Variants in CSNK1G1 observed in about 807,000 individuals in gnomAD.
CSNK1G1 encodes the protein casein kinase I isoform gamma-1.
A neutral mutation model predicts 59.6 loss-of-function variants in CSNK1G1; 22 were observed. That is an observed-to-expected ratio of 0.37 (90% CI 0.26 to 0.53). The LOEUF (loss-of-function observed/expected upper bound fraction) is 0.53. Among genes scored for constraint, CSNK1G1 ranks in the 20% least tolerant of loss-of-function variants. The probability of loss-of-function intolerance (pLI) is 0.89; values close to 1 mark genes in which losing one functional copy is unlikely to be tolerated. For missense variants in CSNK1G1, 384 were observed against 519.5 expected, an observed-to-expected ratio of 0.74 and a Z score of 2.54; for synonymous variants, 179 against 177.1, an observed-to-expected ratio of 1.01 and a Z score of -0.08.
intron 1 of CSNK1G1, among the ~76,000 whole-genome samples, chr15:64,310,294 A>G (rs1382318168): frequency 1.3e-5 from 2 of 152,128 alleles, no homozygotes; most frequent in Non-Finnish European, 1.5e-5. Context: ...CTGCAATTTT[A>G]TTCTCAGCCT....
intron 1 of CSNK1G1, among the ~76,000 whole-genome samples, chr15:64,308,804 G>A (rs759488551): frequency 3.9e-5 from 6 of 151,964 alleles, no homozygotes; most frequent in Non-Finnish European, 7.4e-5. Context: ...AGCTGAGGCA[G>A]GAAAATGGCG....
chr15:64,180,545 T>A, intron 10 of CSNK1G1, 91 bp from the exon 11 acceptor site: 1 of 986,032 alleles, frequency 1.0e-6, no homozygotes, highest in Non-Finnish European at 1.6e-6. Context: ...AGGCAGTGTC[T>A]GGAATGTTTG....
chr15:64,320,236 C>CA (rs996367013), intron 1 of CSNK1G1, among the ~76,000 whole-genome samples: 3 of 151,470 alleles, frequency 2.0e-5, no homozygotes, highest in African/African-American at 7.3e-5. Flanking sequence ...AGGCACACGT[C>CA]AAAAAAACAA....
intron 1 of CSNK1G1, among the ~76,000 whole-genome samples, chr15:64,338,164 C>T (rs1326485875): frequency 2.0e-5 from 3 of 152,126 alleles, no homozygotes; most frequent in Non-Finnish European, 4.4e-5. Context: ...TGTAACCTTT[C>T]GAGAAACTGC....
chr15:64,191,080 G>A (rs2081964148), intron 10 of CSNK1G1, among the ~76,000 whole-genome samples: 1 of 152,060 alleles, frequency 6.6e-6, no homozygotes, highest in Admixed American at 6.6e-5. Context: ...TTGTGTTTTT[G>A]AGATGGAGTC....
chr15:64,245,537 AG>A (rs1370842849), intron 4 of CSNK1G1, among the ~76,000 whole-genome samples: 1 of 152,210 alleles, frequency 6.6e-6, no homozygotes, highest in Non-Finnish European at 1.5e-5. Context: ...ATAATAGCAA[AG>A]ATATGCAATT....
intron 1 of CSNK1G1, among the ~76,000 whole-genome samples, chr15:64,353,013 TAGC>T (rs1192832324): frequency 2.0e-5 from 3 of 151,916 alleles, no homozygotes; most frequent in Admixed American, 6.6e-5. Flanking sequence ...TGCTTGAACT[TAGC>T]AGGCGGAGAT....
At chr15:64,355,048 T>C (rs1445096319) in intron 1 of CSNK1G1, among the ~76,000 whole-genome samples, 1 of 152,216 alleles carries the variant, frequency 6.6e-6, no homozygotes, top group African/African-American at 2.4e-5. Context: ...AGAGGATCTT[T>C]CTACTTCATT....
At chr15:64,284,019 GT>G (rs1376025024) in intron 2 of CSNK1G1, among the ~76,000 whole-genome samples, 1 of 151,788 alleles carries the variant, frequency 6.6e-6, no homozygotes, top group Non-Finnish European at 1.5e-5. Context: ...TTTATTTGTG[GT>G]ATGAGGTAAG....
chr15:64,308,530 A>C (rs956386888), intron 1 of CSNK1G1, among the ~76,000 whole-genome samples: 1 of 152,146 alleles, frequency 6.6e-6, no homozygotes, highest in Non-Finnish European at 1.5e-5. Flanking sequence ...TACTCATTCT[A>C]TGATTTCATC....
intron 2 of CSNK1G1, among the ~76,000 whole-genome samples, chr15:64,269,237 AAC>A (rs1893148646): frequency 6.6e-6 from 1 of 152,166 alleles, no homozygotes; most frequent in Non-Finnish European, 1.5e-5. Flanking sequence ...AACTTTTTGA[AAC>A]AGTTTCAGTA....
In CSNK1G1 at chr15:64,218,860, T is replaced by G. The variant is rs1043511000; in HGVS notation, c.293-2147A>C. ...AGGATTTAATTTGAAGTGTTTTTTT[T>G]TTTTTTTTTTTTTACATGGAGTTTC... On this transcript the variant is annotated intron_variant, in intron 4 of 11. Coordinates refer to ENST00000303052, the MANE Select transcript of CSNK1G1 (RefSeq NM_022048.5). Among the ~76,000 whole-genome samples, 98 of 150,774 alleles carry G rather than the reference T, an allele frequency of 6.5e-4. 1 individual carries two copies. The highest frequency in any genetic ancestry group is 1.3e-3 in the Non-Finnish European group (91 of 67,660).
At chr15:64,278,064 G>T (rs1403979514) in intron 2 of CSNK1G1, among the ~76,000 whole-genome samples, 1 of 148,200 alleles carries the variant, frequency 6.7e-6, no homozygotes, top group Non-Finnish European at 1.5e-5. Flanking sequence ...TATATTTTTT[G>T]AGATGGAGTC....
chr15:64,246,278 C>G (rs1237453173), intron 4 of CSNK1G1, among the ~76,000 whole-genome samples: 1 of 152,138 alleles, frequency 6.6e-6, no homozygotes, highest in Non-Finnish European at 1.5e-5. Flanking sequence ...CTGGCTTTCT[C>G]TGCCCAATGA....
At chr15:64,184,550 G>A (rs910718596) in intron 10 of CSNK1G1, among the ~76,000 whole-genome samples, 5 of 150,912 alleles carry the variant, frequency 3.3e-5, no homozygotes, top group South Asian at 2.1e-4. Context: ...GGTGGCGGGC[G>A]CCTGTAATCC....
At chr15:64,289,479 A>G (rs1290744404) in intron 2 of CSNK1G1, among the ~76,000 whole-genome samples, 1 of 152,208 alleles carries the variant, frequency 6.6e-6, no homozygotes, top group Non-Finnish European at 1.5e-5. Context: ...GTGTAATTCC[A>G]AAAGAAATTT....
intron 1 of CSNK1G1, among the ~76,000 whole-genome samples, chr15:64,345,039 CCAAA>C (rs1566955511): frequency 3.9e-5 from 6 of 152,110 alleles, no homozygotes; most frequent in African/African-American, 1.4e-4. Flanking sequence ...ACAAAACTCA[CCAAA>C]CAGAGTTATT....
chr15:64,316,202 AAAACAAACAAACAAACAAAC>A (rs60125774), intron 1 of CSNK1G1, among the ~76,000 whole-genome samples: 8 of 149,774 alleles, frequency 5.3e-5, no homozygotes, highest in Non-Finnish European at 1.0e-4. Context: ...TTTGCTTTTT[AAAACAAACAAACAAACAAAC>A]AAACAAACAA....
intron 1 of CSNK1G1, among the ~76,000 whole-genome samples, chr15:64,333,257 C>CAAAAAAAA (rs60857897): frequency 3.6e-4 from 6 of 16,508 alleles, no homozygotes; most frequent in African/African-American, 1.4e-3. Flanking sequence ...GACTCCATCT[C>CAAAAAAAA]AAAAAAAAAA....
Sources: gnomAD v4.1 joint callset for allele counts (sites outside exome capture counted in the v4.1 genomes callset) on GRCh38, gnomAD v4.1.1 for gene constraint, MANE v1.5 for transcripts, NCBI Gene and HGNC (gene_info 2026-07-23, HGNC 2026-07-21) for gene names.